The following GALNT1 variants were observed in gnomAD, a reference collection of about 807,000 sequenced individuals.
The protein encoded by GALNT1 is polypeptide N-acetylgalactosaminyltransferase 1, also known as GalNAc transferase 1.
In GALNT1, 17 loss-of-function variants were observed where a neutral mutation model predicts 65.7. The ratio of observed to expected loss-of-function variants is 0.26; its 90% CI spans 0.18 to 0.39. The LOEUF (loss-of-function observed/expected upper bound fraction) is 0.39. Among genes scored for constraint, GALNT1 ranks in the 10% least tolerant of loss-of-function variants. GALNT1 has a pLI of 1.00. For missense variants in GALNT1, 460 were observed against 672.8 expected (o/e 0.68, Z 3.50); for synonymous variants, 210 against 219.7 (o/e 0.96, Z 0.39).
At chr18:35,607,156 C>T (rs1481981564) in intron 1 of GALNT1, among the ~76,000 whole-genome samples, 1 of 151,972 alleles carries the variant, frequency 6.6e-6, no homozygotes, top group Non-Finnish European at 1.5e-5. Flanking sequence ...AGACAGAGGC[C>T]CTGAGTCTAA....
intron 9 of GALNT1, 56 bp downstream of exon 9, chr18:35,692,376 T>TAA: frequency 1.8e-6 from 2 of 1,096,568 alleles, no homozygotes; most frequent in Non-Finnish European, 1.2e-6. Context: ...ACTTTTTTAT[T>TAA]AAAAAAAAAT....
chr18:35,645,932 T>C (rs2047225099), intron 1 of GALNT1, among the ~76,000 whole-genome samples: 1 of 152,210 alleles, frequency 6.6e-6, no homozygotes, highest in African/African-American at 2.4e-5. Context: ...CTTTAAGCAA[T>C]GAAGTTATTA....
chr18:35,589,391 A>G (rs1329325065), intron 1 of GALNT1, among the ~76,000 whole-genome samples: 2 of 152,158 alleles, frequency 1.3e-5, no homozygotes, highest in African/African-American at 4.8e-5. Flanking sequence ...GGGTCGGGGT[A>G]AGGCTACAGT....
rs2047977695 is a variant in GALNT1 at position 35,692,273 on chromosome 18, A to G, written c.1252A>G (p.Ile418Val). 1 of 1,598,750 alleles carries G rather than the reference A, an allele frequency of 6.3e-7. No homozygotes were observed. The highest frequency in any genetic ancestry group is 2.2e-5 in the East Asian group (1 of 44,654). The stretch of plus-strand genomic sequence containing the variant: ...ACCTTTTTCCTGGTACCTAGAGAAT[A>G]TATATCCTGATTCTCAAATTCCACG... ...CKPFSWYLEN[I>V]YPDSQIPRHY... The change falls in exon 9 of 12, where the codon ATA becomes GTA. Residue 418 changes from isoleucine to valine, a missense_variant. Physicochemically the swap from Ile to Val is conservative, Grantham distance 29. Transcript: ENST00000269195.
chr18:35,654,285 A>G (rs1266765137), intron 1 of GALNT1, among the ~76,000 whole-genome samples: 2 of 152,134 alleles, frequency 1.3e-5, no homozygotes, highest in African/African-American at 2.4e-5. Flanking sequence ...TTTCCATTCT[A>G]CAAAGTACCT....
intron 1 of GALNT1, among the ~76,000 whole-genome samples, chr18:35,637,326 A>G (rs1003296531): frequency 2.0e-5 from 3 of 152,240 alleles, no homozygotes; most frequent in Middle Eastern, 3.2e-3. Flanking sequence ...CTTGCGCCAT[A>G]TAACTTGAAA....
chr18:35,651,408 TATTA>T (rs903861187), intron 1 of GALNT1, among the ~76,000 whole-genome samples: 4 of 152,212 alleles, frequency 2.6e-5, no homozygotes, highest in African/African-American at 7.2e-5. Context: ...TTTTGTAATA[TATTA>T]ATTTTTTCTA....
chr18:35,690,356 A>C (rs925160071), intron 7 of GALNT1, among the ~76,000 whole-genome samples: 1 of 152,160 alleles, frequency 6.6e-6, no homozygotes, highest in East Asian at 1.9e-4. Context: ...GGGTGAACAG[A>C]TGAGCATCTG....
chr18:35,687,250 A>G (rs1255207763), intron 6 of GALNT1, 64 bp downstream of exon 6: 1 of 1,458,194 alleles, frequency 6.9e-7, no homozygotes, highest in African/African-American at 1.4e-5. Context: ...AGCTTTGGGA[A>G]TCATATCAAA....
intron 1 of GALNT1, among the ~76,000 whole-genome samples, chr18:35,617,163 A>G (rs961354019): frequency 6.6e-6 from 1 of 152,208 alleles, no homozygotes; most frequent in East Asian, 1.9e-4. Flanking sequence ...CACACCACCA[A>G]GAATCATTTA....
intron 1 of GALNT1, among the ~76,000 whole-genome samples, chr18:35,612,130 G>C (rs1038288434): frequency 6.6e-6 from 1 of 152,096 alleles, no homozygotes; most frequent in Non-Finnish European, 1.5e-5. Context: ...GAGAGATAAA[G>C]GGAAAAGTAA....
intron 1 of GALNT1, among the ~76,000 whole-genome samples, chr18:35,613,288 G>C (rs1342572269): frequency 6.6e-6 from 1 of 151,994 alleles, no homozygotes; most frequent in Non-Finnish European, 1.5e-5. Flanking sequence ...CATTTCTTTT[G>C]GGGAAAAATA....
At chr18:35,588,107 A>G (rs1010268692) in intron 1 of GALNT1, among the ~76,000 whole-genome samples, 1 of 152,106 alleles carries the variant, frequency 6.6e-6, no homozygotes, top group Admixed American at 6.6e-5. Context: ...TTCTGCTCTT[A>G]CATCCTGTTG....
In GALNT1 at chr18:35,643,759, C is replaced by T. The variant is rs187936519; in HGVS notation, c.-103-10801C>T. Among the ~76,000 whole-genome samples the T allele has an allele frequency of 3.7e-4, 56 of 149,896 alleles. No individual in the cohort carries two copies. The Middle Eastern group carries it at 0.01, about 28-fold the overall frequency. ...CTTGCAGTGAGCCGAGATCGTGCCACTACACTCCAGCCTGGGCAACAGAGT... is the reference window on the plus strand; with the variant it reads ...CTTGCAGTGAGCCGAGATCGTGCCATTACACTCCAGCCTGGGCAACAGAGT... On this transcript the variant is annotated intron_variant, in intron 1 of 11. Transcript: ENST00000269195.
At chr18:35,622,349 T>G (rs1217020863) in intron 1 of GALNT1, among the ~76,000 whole-genome samples, 2 of 152,120 alleles carry the variant, frequency 1.3e-5, no homozygotes, top group African/African-American at 4.8e-5. Flanking sequence ...CTTCCCAGGC[T>G]CAAGCAATTT....
chr18:35,645,472 A>T (rs968484823), intron 1 of GALNT1, among the ~76,000 whole-genome samples: 1 of 151,962 alleles, frequency 6.6e-6, no homozygotes, highest in African/African-American at 2.4e-5. Context: ...TGACCTCCTG[A>T]TCCGCCCGTG....
At chr18:35,683,350 G>C (rs982987059) in intron 4 of GALNT1, 41 bp from the exon 5 acceptor site, 1 of 1,512,496 alleles carries the variant, frequency 6.6e-7, no homozygotes, top group African/African-American at 1.4e-5. Context: ...AATAGTGCCA[G>C]GCCACACTGG....
chr18:35,611,856 A>G (rs2046722193), intron 1 of GALNT1, among the ~76,000 whole-genome samples: 1 of 152,192 alleles, frequency 6.6e-6, no homozygotes, highest in Non-Finnish European at 1.5e-5. Context: ...ACTGTTTCTA[A>G]TCTTTTTTGT....
chr18:35,652,689 T>G (rs1170498248), intron 1 of GALNT1, among the ~76,000 whole-genome samples: 5 of 152,200 alleles, frequency 3.3e-5, no homozygotes, highest in Non-Finnish European at 7.3e-5. Context: ...GGAATCATTT[T>G]TTGCCTCTCC....
Sources: allele counts gnomAD v4.1 joint callset (sites outside exome capture counted in the v4.1 genomes callset), GRCh38; gene constraint gnomAD v4.1.1; transcripts MANE v1.5; gene names NCBI Gene and HGNC (gene_info 2026-07-23, HGNC 2026-07-21).